Variants in DLGAP2 observed in about 807,000 individuals in gnomAD.
DLGAP2 encodes DLG associated protein 2.
DLGAP2 carries 26 observed loss-of-function variants against 100.3 expected under a neutral mutation model. That is an observed-to-expected ratio of 0.26 (90% CI 0.19 to 0.36). DLGAP2 has a LOEUF of 0.36. Among genes scored for constraint, DLGAP2 ranks in the 10% least tolerant of loss-of-function variants. The pLI, the probability that DLGAP2 is intolerant of heterozygous loss-of-function variation, is 1.00. For synonymous variants in DLGAP2, 886 were observed against 630.1 expected (o/e 1.41, Z -6.08); for missense variants, 1,858 against 1,453.2 (o/e 1.28, Z -4.53).
At chr8:745,550 T>G (rs1174067799) in intron 1 of DLGAP2, among the ~76,000 whole-genome samples, 1 of 152,254 alleles carries the variant, frequency 6.6e-6, no homozygotes, top group Non-Finnish European at 1.5e-5. Context: ...AACTCTTCTT[T>G]ACATGTAACT....
chr8:1,280,326 A>C lies in DLGAP2; in HGVS notation c.106+21443A>C, dbSNP rs886375542. 2.6e-5 allele frequency among the ~76,000 whole-genome samples: 4 copies of C among 152,252 alleles called. No individual in the cohort carries two copies. In the East Asian group the frequency reaches 7.7e-4, roughly 29 times the overall value. On this transcript the variant is annotated intron_variant, in intron 3 of 14. Transcript: ENST00000637795. ...TAACCCCTTCCCATCTATTTCCTTG[A>C]GATTAAAAGAGTTCCATGAATATTT...
chr8:912,702 C>T (rs541055746), intron 2 of DLGAP2, among the ~76,000 whole-genome samples: 3 of 151,736 alleles, frequency 2.0e-5, no homozygotes, highest in South Asian at 4.2e-4. Flanking sequence ...CCGTGGTGCC[C>T]GCCTTCCTCT....
chr8:1,585,557 A>G (rs563921835), intron 6 of DLGAP2, among the ~76,000 whole-genome samples: 56 of 152,372 alleles, frequency 3.7e-4, no homozygotes, highest in African/African-American at 1.3e-3. Context: ...TGAAAAACAC[A>G]TAATCCACAG....
intron 2 of DLGAP2, among the ~76,000 whole-genome samples, chr8:1,238,434 A>G (rs368824735): frequency 9.6e-6 from 1 of 104,114 alleles, no homozygotes; most frequent in African/African-American, 3.6e-5. Context: ...TGCCGTTTCT[A>G]GTTCTCTCAC....
intron 8 of DLGAP2, among the ~76,000 whole-genome samples, chr8:1,638,231 C>T (rs183290483): frequency 2.0e-5 from 3 of 152,124 alleles, no homozygotes; most frequent in South Asian, 4.1e-4. Context: ...GAGAATGTGA[C>T]TGCGTTTCAG....
intron 3 of DLGAP2, among the ~76,000 whole-genome samples, chr8:1,358,255 C>T (rs1328054829): frequency 6.6e-6 from 1 of 152,164 alleles, no homozygotes; most frequent in Non-Finnish European, 1.5e-5. Context: ...AGGTGAGAAT[C>T]TAAGTAATTT....
At chr8:1,659,685 C>G (rs1438236608) in intron 8 of DLGAP2, among the ~76,000 whole-genome samples, 2 of 151,688 alleles carry the variant, frequency 1.3e-5, no homozygotes, top group Admixed American at 6.6e-5. Flanking sequence ...TTTTGCTTTC[C>G]ATTTGCTTGG....
At chr8:1,252,782 C>G (rs1025413056) in intron 2 of DLGAP2, among the ~76,000 whole-genome samples, 2 of 152,240 alleles carry the variant, frequency 1.3e-5, no homozygotes, top group African/African-American at 4.8e-5. Context: ...TGTGGTGCCT[C>G]CAGGTGGCTG....
chr8:1,570,413 T>A (rs182088685), intron 6 of DLGAP2, among the ~76,000 whole-genome samples: 34 of 152,400 alleles, frequency 2.2e-4, no homozygotes, highest in African/African-American at 7.9e-4. Flanking sequence ...CATTTAAATA[T>A]CAGCATTTTT....
intron 6 of DLGAP2, among the ~76,000 whole-genome samples, chr8:1,619,122 G>A (rs572107265): frequency 1.3e-5 from 2 of 152,188 alleles, no homozygotes; most frequent in African/African-American, 4.8e-5. Context: ...CTTGAATGCA[G>A]AATATGTCAA....
chr8:983,739 C>T lies in DLGAP2; in HGVS notation c.73+75773C>T, dbSNP rs1046383758. Among the ~76,000 whole-genome samples the T allele has an allele frequency of 2.6e-5, 4 of 152,156 alleles. No homozygotes were observed. In the East Asian group the frequency reaches 5.8e-4, roughly 22 times the overall value. ...CTCACTGTGGCTTCCACCTCCCAGG[C>T]TCAAGCAATCCTTTCACCGCAGCCT... is the stretch of plus-strand genomic sequence containing the variant. On this transcript the variant is annotated intron_variant, in intron 2 of 14. Coordinates refer to ENST00000637795, the MANE Select transcript of DLGAP2 (RefSeq NM_001346810.2).
At chr8:884,263 T>G (rs1374801118) in intron 1 of DLGAP2, among the ~76,000 whole-genome samples, 4 of 152,226 alleles carry the variant, frequency 2.6e-5, no homozygotes, top group Non-Finnish European at 5.9e-5. Context: ...ACCAACAGTG[T>G]AAAAGCCTTC....
At chr8:874,261 C>G (rs1008364263) in intron 1 of DLGAP2, among the ~76,000 whole-genome samples, 3 of 150,364 alleles carry the variant, frequency 2.0e-5, no homozygotes, top group South Asian at 2.1e-4. Context: ...TTAGTTTGTT[C>G]TTCTTTTTCC....
chr8:1,189,231 G>A lies in DLGAP2; in HGVS notation c.74-69620G>A, dbSNP rs113677017. The stretch of plus-strand genomic sequence containing the variant: ...GATTTGGGCCCCAGGCCGGTTCCGC[G>A]GTTGGGGTTGAGCATACACAGGGTT... On this transcript the variant is annotated intron_variant, in intron 2 of 14. Transcript: ENST00000637795. Among the ~76,000 whole-genome samples the A allele has an allele frequency of 2.6e-4, 38 of 145,984 alleles. No homozygotes were observed. In the South Asian group the frequency reaches 6.7e-3, roughly 26 times the overall value.
intron 3 of DLGAP2, among the ~76,000 whole-genome samples, chr8:1,306,343 G>C (rs1381531742): frequency 1.3e-5 from 2 of 151,920 alleles, no homozygotes; most frequent in East Asian, 3.9e-4. Context: ...TTATAATCGT[G>C]TCAAAAAAAC....
chr8:1,509,505 C>G (rs540878761), intron 4 of DLGAP2, among the ~76,000 whole-genome samples: 48 of 151,764 alleles, frequency 3.2e-4, no homozygotes, highest in African/African-American at 1.1e-3. Flanking sequence ...AAGCCCTTGG[C>G]AGGAGCAATA....
chr8:1,618,660 T>A (rs1470609150), intron 6 of DLGAP2, among the ~76,000 whole-genome samples: 1 of 152,230 alleles, frequency 6.6e-6, no homozygotes, highest in Non-Finnish European at 1.5e-5. Context: ...GCGTTAAATC[T>A]AATCGGGACA....
rs144889885 is a variant in DLGAP2 at position 1,225,332 on chromosome 8, T to G, written c.74-33519T>G. 2.2e-4 allele frequency among the ~76,000 whole-genome samples: 34 copies of G among 152,348 alleles called. 1 individual carries two copies. In the East Asian group the frequency reaches 5.4e-3, roughly 24 times the overall value. ...TCAGTGAAAGAAGCCAGACAAAAAA[T>G]GTCACATATTCTGTGATTTCACATC... is the stretch of plus-strand genomic sequence containing the variant. On this transcript the variant is annotated intron_variant, in intron 2 of 14. Coordinates refer to ENST00000637795, the MANE Select transcript of DLGAP2 (RefSeq NM_001346810.2).
At chr8:752,407 G>A (rs1820814311) in intron 1 of DLGAP2, among the ~76,000 whole-genome samples, 1 of 152,218 alleles carries the variant, frequency 6.6e-6, no homozygotes, top group Non-Finnish European at 1.5e-5. Context: ...GATGAGGCCT[G>A]GTCTTGCCCG....
Sources: allele counts gnomAD v4.1 joint callset (sites outside exome capture counted in the v4.1 genomes callset), GRCh38; gene constraint gnomAD v4.1.1; transcripts MANE v1.5; gene names NCBI Gene and HGNC (gene_info 2026-07-23, HGNC 2026-07-21).